Variants in GRID1 observed in about 807,000 individuals in gnomAD.
GRID1 encodes glutamate receptor ionotropic, delta-1.
A neutral mutation model predicts 98.0 loss-of-function variants in GRID1; 28 were observed. The observed-to-expected ratio is 0.29, with a 90% CI of 0.21 to 0.39. The LOEUF is 0.39. Among genes scored for constraint, GRID1 ranks in the 10% least tolerant of loss-of-function variants. The pLI, the probability that GRID1 is intolerant of heterozygous loss-of-function variation, is 1.00. For missense variants in GRID1, 1,111 were observed against 1,340.5 expected, an observed-to-expected ratio of 0.83 and a Z score of 2.67; for synonymous variants, 553 against 538.5, an observed-to-expected ratio of 1.03 and a Z score of -0.37.
rs372746728 is a variant in GRID1 at position 85,978,246 on chromosome 10, C to T, written c.727-62007G>A. 2.9e-3 allele frequency among the ~76,000 whole-genome samples: 443 copies of T among 152,288 alleles called. 1 individual carries two copies. Among genetic ancestry groups the T allele is most frequent in the African/African-American group, 1.0e-2 (415 of 41,556 alleles). On this transcript the variant is annotated intron_variant, in intron 4 of 15. Coordinates refer to ENST00000327946, the MANE Select transcript of GRID1 (RefSeq NM_017551.3). Reference sequence around the variant, plus strand: ...GGTCAACACCATGCAGATGCCAAGGCTATTCCATTCACCTCTGACTATCTA... The same window carrying T: ...GGTCAACACCATGCAGATGCCAAGGTTATTCCATTCACCTCTGACTATCTA...
chr10:85,827,767 A>G (rs547656128), intron 8 of GRID1, among the ~76,000 whole-genome samples: 12 of 152,302 alleles, frequency 7.9e-5, no homozygotes, highest in Non-Finnish European at 1.6e-4. Context: ...ATATATATGC[A>G]TCAAACCCAG....
At chr10:85,709,918 T>C (rs1370067232) in intron 12 of GRID1, among the ~76,000 whole-genome samples, 1 of 152,046 alleles carries the variant, frequency 6.6e-6, no homozygotes, top group East Asian at 1.9e-4. Flanking sequence ...CAAATTTACT[T>C]AGGTGATAAA....
intron 4 of GRID1, among the ~76,000 whole-genome samples, chr10:85,992,322 T>C (rs1842689981): frequency 6.6e-6 from 1 of 152,162 alleles, no homozygotes; most frequent in African/African-American, 2.4e-5. Context: ...GGCACAGGTA[T>C]GCAAAAGAGG....
At chr10:85,619,736 A>T in intron 14 of GRID1, 131 bp downstream of exon 14, 1 of 690,308 alleles carries the variant, frequency 1.4e-6, no homozygotes, top group Non-Finnish European at 2.5e-6. Flanking sequence ...GCAGTGGGAC[A>T]TAGTATGTGC....
At chr10:86,318,093 A>T (rs772826931) in intron 2 of GRID1, among the ~76,000 whole-genome samples, 7 of 151,940 alleles carry the variant, frequency 4.6e-5, no homozygotes, top group Non-Finnish European at 8.8e-5. Flanking sequence ...CCCCAAGCAG[A>T]AAAAAAGGCC....
intron 4 of GRID1, among the ~76,000 whole-genome samples, chr10:86,113,146 A>T (rs1406521060): frequency 6.6e-6 from 1 of 152,172 alleles, no homozygotes; most frequent in Non-Finnish European, 1.5e-5. Flanking sequence ...CTCTTCACAG[A>T]TCAGCCAGAG....
chr10:85,698,896 C>T lies in GRID1; in HGVS notation c.1997+24107G>A, dbSNP rs747877113. On this transcript the variant is annotated intron_variant, in intron 12 of 15. Transcript: ENST00000327946. ...TGTTTTAATTTGCATTCCCTAATGA[C>T]GTGATGTTGAGCATCTTCTCATGTT... Among the ~76,000 whole-genome samples the T allele has an allele frequency of 2.1e-4, 32 of 152,266 alleles. 1 individual carries two copies. Among genetic ancestry groups the T allele is most frequent in the African/African-American group, 6.3e-4 (26 of 41,566 alleles).
chr10:85,756,583 T>C (rs886237939), intron 8 of GRID1, among the ~76,000 whole-genome samples: 2 of 152,220 alleles, frequency 1.3e-5, no homozygotes, highest in African/African-American at 4.8e-5. Context: ...ATTCATGTCC[T>C]AGGTAGGATG....
chr10:85,912,577 A>T (rs1841555131), intron 5 of GRID1, among the ~76,000 whole-genome samples: 1 of 152,248 alleles, frequency 6.6e-6, no homozygotes. Context: ...AGAGCCTGTA[A>T]GGAATGAGAG....
At chr10:85,974,354 G>T (rs1280463097) in intron 4 of GRID1, among the ~76,000 whole-genome samples, 3 of 152,180 alleles carry the variant, frequency 2.0e-5, no homozygotes, top group Non-Finnish European at 4.4e-5. Flanking sequence ...CTCTCAGGGG[G>T]CTGTGTGAGG....
chr10:86,233,197 T>C (rs1465603307), intron 2 of GRID1, among the ~76,000 whole-genome samples: 1 of 151,504 alleles, frequency 6.6e-6, no homozygotes, highest in Admixed American at 6.6e-5. Context: ...GGGAAAGCCG[T>C]CAGCTGCAGA....
intron 4 of GRID1, among the ~76,000 whole-genome samples, chr10:85,921,478 G>A (rs1841702573): frequency 1.3e-5 from 2 of 152,204 alleles, no homozygotes; most frequent in South Asian, 4.1e-4. Flanking sequence ...AGGCCATTCT[G>A]CAGGCCCACT....
At chr10:85,646,983 C>T (rs1279610056) in intron 13 of GRID1, 2 of 580,882 alleles carry the variant, frequency 3.4e-6, no homozygotes, top group Non-Finnish European at 6.2e-6. Flanking sequence ...TCTGCCTGCT[C>T]CTCCCCAGCC....
chr10:85,613,422 C>T lies in GRID1; in HGVS notation c.2586G>A (p.Gln862=), dbSNP rs1201090272. 3 of 1,613,108 alleles carry T rather than the reference C, an allele frequency of 1.9e-6. No individual in the cohort carries two copies. Among genetic ancestry groups the T allele is most frequent in the African/African-American group, 2.7e-5 (2 of 74,932 alleles). ...GGGTGCTGACCTCCTTGGGGGTCTC[C>T]TGGTGGCACCGGTTGCTGTTCCACC... ...ELWWNSNRCH[Q]ETPKEDKEVN... is the part of the protein sequence containing the mutation. The change falls in exon 15 of 16, where the codon CAG becomes CAA. Residue 862 remains glutamine (Q), a synonymous_variant. Transcript: ENST00000327946.
intron 2 of GRID1, among the ~76,000 whole-genome samples, chr10:86,315,371 G>A (rs928300834): frequency 6.6e-6 from 1 of 152,194 alleles, no homozygotes; most frequent in African/African-American, 2.4e-5. Flanking sequence ...GGAGGGCTGA[G>A]GCATCAGCAC....
chr10:85,967,947 T>G (rs543872725), intron 4 of GRID1, among the ~76,000 whole-genome samples: 30 of 152,228 alleles, frequency 2.0e-4, no homozygotes, highest in East Asian at 1.7e-3. Flanking sequence ...AAGGAGAAAT[T>G]AAGACATTCA....
chr10:85,810,402 T>G (rs1483682299), intron 8 of GRID1, among the ~76,000 whole-genome samples: 1 of 152,174 alleles, frequency 6.6e-6, no homozygotes, highest in African/African-American at 2.4e-5. Flanking sequence ...CCCATGTCCC[T>G]GGCCAGATAA....
intron 4 of GRID1, among the ~76,000 whole-genome samples, chr10:86,052,961 C>A: frequency 6.6e-6 from 1 of 152,118 alleles, no homozygotes; most frequent in East Asian, 1.9e-4. Context: ...TAAGAATGTG[C>A]TCAAAGACAG....
chr10:85,885,981 C>G (rs1237535256), intron 5 of GRID1, among the ~76,000 whole-genome samples: 1 of 152,232 alleles, frequency 6.6e-6, no homozygotes, highest in Non-Finnish European at 1.5e-5. Context: ...TGCCCACTTC[C>G]TCCATGCTAG....
Sources: allele counts gnomAD v4.1 joint callset (sites outside exome capture counted in the v4.1 genomes callset), GRCh38; gene constraint gnomAD v4.1.1; transcripts MANE v1.5; gene names NCBI Gene and HGNC (gene_info 2026-07-23, HGNC 2026-07-21).